TRIP4: variants seen among roughly 807,000 people sequenced by gnomAD.
The protein encoded by TRIP4 is activating signal cointegrator 1.
A neutral mutation model predicts 81.8 loss-of-function variants in TRIP4; 54 were observed. That is an observed-to-expected ratio of 0.66 (90% CI 0.53 to 0.83). The LOEUF (loss-of-function observed/expected upper bound fraction) is 0.83. Among genes scored for constraint, TRIP4 ranks in the 40% least tolerant of loss-of-function variants. The pLI is 0.00. For synonymous variants in TRIP4, 270 were observed against 242.8 expected (o/e 1.11, Z -1.04); for missense variants, 662 against 683.6 (o/e 0.97, Z 0.35).
chr15:64,425,712 C>A, intron 11 of TRIP4, 81 bp downstream of exon 11: 1 of 1,104,794 alleles, frequency 9.1e-7, no homozygotes, highest in Non-Finnish European at 1.3e-6. Flanking sequence ...CTTTAAGAGG[C>A]TGGGCCTCTT....
chr15:64,453,356 T>G (rs988118574), intron 12 of TRIP4, among the ~76,000 whole-genome samples: 3 of 152,238 alleles, frequency 2.0e-5, no homozygotes, highest in Non-Finnish European at 4.4e-5. Flanking sequence ...TTGTGGTTAC[T>G]TAGTACTGTC....
chr15:64,416,540 G>C (rs1891894698), intron 8 of TRIP4, among the ~76,000 whole-genome samples: 1 of 152,060 alleles, frequency 6.6e-6, no homozygotes, highest in African/African-American at 2.4e-5. Flanking sequence ...CTGGGCAACA[G>C]AGCAAGACAG....
chr15:64,413,541 GT>G (rs1891817501), intron 7 of TRIP4, among the ~76,000 whole-genome samples: 1 of 151,776 alleles, frequency 6.6e-6, no homozygotes, highest in Admixed American at 6.6e-5. Context: ...TGACTGTAGC[GT>G]GCCCTATGTA....
At chr15:64,401,861 T>G (rs1891517732) in intron 5 of TRIP4, among the ~76,000 whole-genome samples, 1 of 152,132 alleles carries the variant, frequency 6.6e-6, no homozygotes, top group Non-Finnish European at 1.5e-5. Flanking sequence ...CTGAAATTAT[T>G]GGTTGAAAGT....
At chr15:64,422,242 A>T (rs1352890690) in intron 9 of TRIP4, among the ~76,000 whole-genome samples, 1 of 152,170 alleles carries the variant, frequency 6.6e-6, no homozygotes, top group African/African-American at 2.4e-5. Context: ...GGTAAAATGG[A>T]TTGCCCTGAA....
At chr15:64,425,064 A>G (rs1892110716) in intron 10 of TRIP4, among the ~76,000 whole-genome samples, 1 of 152,154 alleles carries the variant, frequency 6.6e-6, no homozygotes, top group African/African-American at 2.4e-5. Context: ...GGTGTGAGCT[A>G]CTGAGCCCGG....
intron 12 of TRIP4, among the ~76,000 whole-genome samples, chr15:64,453,184 A>G (rs1195816438): frequency 1.3e-5 from 2 of 152,172 alleles, no homozygotes; most frequent in Admixed American, 1.3e-4. Context: ...GTCTCAATAA[A>G]TAAAGTCTTT....
At chr15:64,435,179 A>T (rs2140307255) in intron 11 of TRIP4, among the ~76,000 whole-genome samples, 1 of 126,030 alleles carries the variant, frequency 7.9e-6, no homozygotes, top group East Asian at 2.6e-4. Flanking sequence ...GCATCAGTGC[A>T]CTCCAGCCTG....
chr15:64,421,698 C>T (rs576815035), intron 9 of TRIP4, among the ~76,000 whole-genome samples: 13 of 152,144 alleles, frequency 8.5e-5, no homozygotes, highest in Non-Finnish European at 1.5e-4. Context: ...CACTGTGCTC[C>T]AGCTGCCTAC....
Position 64,409,709 on chromosome 15 carries a change from G to A in TRIP4, c.924G>A (p.Lys308=), listed in dbSNP as rs367607377. The change falls in exon 7 of 13, where the codon AAG becomes AAA. Residue 308 remains lysine, a synonymous_variant. Transcript: ENST00000261884. ...AACTTGAGCGGGAAACCTTGCAGAA[G>A]CGAGAGGAGGAGCTGAGAGAACTTC... ...LSKLERETLQ[K]REEELRELRH... 1.1e-5 allele frequency: 17 copies of A among 1,614,204 alleles called. No individual in the cohort carries two copies. The highest frequency in any genetic ancestry group is 1.7e-5 in the Admixed American group (1 of 60,022).
chr15:64,415,165 A>G (rs1423032582), intron 8 of TRIP4, among the ~76,000 whole-genome samples: 1 of 152,152 alleles, frequency 6.6e-6, no homozygotes, highest in African/African-American at 2.4e-5. Context: ...TCCAGGCAGA[A>G]TGAATTGTAG....
At chr15:64,428,839 T>G (rs1284415661) in intron 11 of TRIP4, among the ~76,000 whole-genome samples, 1 of 151,770 alleles carries the variant, frequency 6.6e-6, no homozygotes, top group African/African-American at 2.4e-5. Context: ...CTCGAACTCC[T>G]GACATCAGGT....
intron 11 of TRIP4, among the ~76,000 whole-genome samples, chr15:64,431,249 T>A (rs1222596837): frequency 6.6e-6 from 1 of 152,108 alleles, no homozygotes; most frequent in Non-Finnish European, 1.5e-5. Context: ...CCTCAAAATA[T>A]TCCGATAACA....
intron 5 of TRIP4, 115 bp from the exon 6 acceptor site, chr15:64,406,215 C>A: frequency 7.7e-7 from 1 of 1,301,088 alleles, no homozygotes; most frequent in Non-Finnish European, 1.1e-6. Context: ...GAAATGAAGG[C>A]TCCAGGCCAT....
chr15:64,403,707 T>C (rs1170120168), intron 5 of TRIP4, among the ~76,000 whole-genome samples: 1 of 152,228 alleles, frequency 6.6e-6, no homozygotes, highest in Non-Finnish European at 1.5e-5. Context: ...TAACTTGGTT[T>C]ATTATAGTAT....
intron 2 of TRIP4, among the ~76,000 whole-genome samples, chr15:64,394,598 C>CCG (rs1900235290): frequency 7.1e-6 from 1 of 141,712 alleles, no homozygotes; most frequent in South Asian, 2.3e-4. Flanking sequence ...GAGCGAGACT[C>CCG]CATCTCAAAA....
intron 6 of TRIP4, 124 bp from the exon 7 acceptor site, chr15:64,409,489 A>G (rs1267573025): frequency 1.2e-5 from 10 of 836,978 alleles, no homozygotes; most frequent in Non-Finnish European, 1.5e-5. Context: ...GATAAAACAT[A>G]TGCAGAGCTT....
chr15:64,410,697 C>G (rs886177470), intron 7 of TRIP4, among the ~76,000 whole-genome samples: 1 of 151,752 alleles, frequency 6.6e-6, no homozygotes, highest in African/African-American at 2.4e-5. Flanking sequence ...TCTTCCTAAG[C>G]AAGATACAAA....
chr15:64,429,215 G>C (rs899208590), intron 11 of TRIP4, among the ~76,000 whole-genome samples: 4 of 152,032 alleles, frequency 2.6e-5, no homozygotes, highest in African/African-American at 9.7e-5. Context: ...TTCTGGGGAG[G>C]CTGAGGCAGG....
Sources: allele counts gnomAD v4.1 joint callset (sites outside exome capture counted in the v4.1 genomes callset), GRCh38; gene constraint gnomAD v4.1.1; transcripts MANE v1.5; gene names NCBI Gene and HGNC (gene_info 2026-07-23, HGNC 2026-07-21).